The following FHIT variants were observed in gnomAD, a reference collection of about 807,000 sequenced individuals.
FHIT encodes the protein fragile histidine triad diadenosine triphosphatase.
In FHIT, 19 loss-of-function variants were observed where a neutral mutation model predicts 17.9. That is an observed-to-expected ratio of 1.06 (90% CI 0.74 to 1.56). The LOEUF (loss-of-function observed/expected upper bound fraction) is 1.56. FHIT is among the 40% of genes most tolerant of loss of function. FHIT has a pLI of 0.00. For missense variants in FHIT, 248 were observed against 189.2 expected (o/e 1.31, Z -1.82); for synonymous variants, 81 against 69.7 (o/e 1.16, Z -0.81).
chr3:60,970,625 G>C (rs1044835590), intron 3 of FHIT, among the ~76,000 whole-genome samples: 3 of 151,598 alleles, frequency 2.0e-5, no homozygotes, highest in African/African-American at 7.3e-5. Context: ...TCTTTAAGTG[G>C]TTACCCTGGA....
At chr3:60,404,971 A>G (rs1349385772) in intron 5 of FHIT, among the ~76,000 whole-genome samples, 3 of 152,122 alleles carry the variant, frequency 2.0e-5, no homozygotes, top group African/African-American at 7.2e-5. Flanking sequence ...ATCCTATAAT[A>G]TATTTTTGTT....
rs572415093 is a variant in FHIT, at chr3:60,603,703, T to G, written c.-17-66724A>C. On this transcript the variant is annotated intron_variant, in intron 4 of 9. Transcript: ENST00000492590. Reference sequence around the variant, plus strand: ...TCTTTCAATGAGCAACATCATAAAGTGCCTCTCTGGGTAAGGCATCATTGT... The same window carrying G: ...TCTTTCAATGAGCAACATCATAAAGGGCCTCTCTGGGTAAGGCATCATTGT... 2.0e-5 allele frequency among the ~76,000 whole-genome samples: 3 copies of G among 152,274 alleles called. No individual in the cohort carries two copies. In the Middle Eastern group the frequency reaches 0.01, roughly 518 times the overall value.
intron 5 of FHIT, among the ~76,000 whole-genome samples, chr3:60,285,397 A>T (rs1014600371): frequency 1.3e-5 from 2 of 152,136 alleles, no homozygotes; most frequent in Non-Finnish European, 2.9e-5. Flanking sequence ...ATAAAAGTAC[A>T]TTTTTAAGTT....
At chr3:59,797,581 G>A (rs1323041534) in intron 8 of FHIT, among the ~76,000 whole-genome samples, 1 of 152,178 alleles carries the variant, frequency 6.6e-6, no homozygotes, top group East Asian at 1.9e-4. Flanking sequence ...ATGTAAGGAG[G>A]ATGTAGTTCT....
At chr3:59,958,357 T>C (rs1029510783) in intron 7 of FHIT, among the ~76,000 whole-genome samples, 1 of 152,152 alleles carries the variant, frequency 6.6e-6, no homozygotes, top group Non-Finnish European at 1.5e-5. Context: ...ATAAAAGGAC[T>C]GTATAAAAAA....
Position 61,137,456 on chromosome 3 carries a change from A to G in FHIT, c.-164+63161T>C, listed in dbSNP as rs965550885. ...TTTTTGGCCACGTCTCTAAGTTTCT[A>G]TAGCAACTTATGCGCTTACCTCTTT... is the stretch of plus-strand genomic sequence containing the variant. On this transcript the variant is annotated intron_variant, in intron 2 of 9. Transcript: ENST00000492590. Among the ~76,000 whole-genome samples the G allele has an allele frequency of 2.6e-5, 4 of 152,112 alleles. No individual in the cohort carries two copies. The South Asian group carries it at 6.2e-4, about 24-fold the overall frequency.
At chr3:60,176,603 T>C (rs1332863884) in intron 5 of FHIT, among the ~76,000 whole-genome samples, 1 of 151,602 alleles carries the variant, frequency 6.6e-6, no homozygotes, top group Non-Finnish European at 1.5e-5. Context: ...GTAGGTGGGG[T>C]AGAGATGGAA....
chr3:60,585,494 T>C (rs1337039243), intron 4 of FHIT, among the ~76,000 whole-genome samples: 1 of 152,050 alleles, frequency 6.6e-6, no homozygotes, highest in African/African-American at 2.4e-5. Flanking sequence ...ATCCAAAGCT[T>C]GTTACACATT....
At chr3:59,776,275 C>T (rs1016608993) in intron 8 of FHIT, among the ~76,000 whole-genome samples, 7 of 152,210 alleles carry the variant, frequency 4.6e-5, no homozygotes, top group Non-Finnish European at 8.8e-5. Flanking sequence ...TGGGCTGTGG[C>T]TTGCACGTAT....
At chr3:59,756,817 C>T (rs1372124931) in intron 8 of FHIT, among the ~76,000 whole-genome samples, 1 of 152,124 alleles carries the variant, frequency 6.6e-6, no homozygotes, top group Non-Finnish European at 1.5e-5. Flanking sequence ...GGTCTTATTG[C>T]ACGGAATGCA....
intron 3 of FHIT, among the ~76,000 whole-genome samples, chr3:60,990,940 A>G (rs2030151761): frequency 6.6e-6 from 1 of 152,228 alleles, no homozygotes. Flanking sequence ...AGTACCTACT[A>G]AGCGCCAGGT....
intron 5 of FHIT, among the ~76,000 whole-genome samples, chr3:60,031,256 T>C (rs1272329571): frequency 6.6e-6 from 1 of 152,238 alleles, no homozygotes; most frequent in Non-Finnish European, 1.5e-5. Context: ...TCATGGAGTT[T>C]TCTGTCAACC....
intron 5 of FHIT, among the ~76,000 whole-genome samples, chr3:60,138,918 T>C (rs1299739298): frequency 6.6e-6 from 1 of 152,090 alleles, no homozygotes; most frequent in Non-Finnish European, 1.5e-5. Context: ...TTTGACTTTA[T>C]AGGAAAGCCA....
chr3:60,217,097 A>T (rs979767464), intron 5 of FHIT, among the ~76,000 whole-genome samples: 2 of 152,232 alleles, frequency 1.3e-5, no homozygotes, highest in Non-Finnish European at 2.9e-5. Flanking sequence ...TTTTCTTTTA[A>T]AAGTCCAATT....
At chr3:59,793,412 C>T (rs1198541938) in intron 8 of FHIT, among the ~76,000 whole-genome samples, 12 of 152,034 alleles carry the variant, frequency 7.9e-5, no homozygotes, top group Admixed American at 7.9e-4. Flanking sequence ...ACACTGTGTT[C>T]GTGATGAAGG....
At chr3:61,152,960 G>A (rs930173647) in intron 2 of FHIT, among the ~76,000 whole-genome samples, 5 of 152,044 alleles carry the variant, frequency 3.3e-5, no homozygotes, top group Non-Finnish European at 5.9e-5. Flanking sequence ...TGGCTAACAC[G>A]GTGAAATCCC....
chr3:60,363,895 G>A (rs534529354), intron 5 of FHIT, among the ~76,000 whole-genome samples: 4 of 152,186 alleles, frequency 2.6e-5, no homozygotes, highest in South Asian at 4.2e-4. Context: ...CTCAAAGGAC[G>A]GTCACCATCC....
At chr3:60,105,389 C>T (rs762297454) in intron 5 of FHIT, among the ~76,000 whole-genome samples, 6 of 152,268 alleles carry the variant, frequency 3.9e-5, no homozygotes, top group Non-Finnish European at 8.8e-5. Flanking sequence ...GTGCTCTATG[C>T]CAACAAAGAA....
chr3:61,094,713 C>T (rs2035586650), intron 2 of FHIT, among the ~76,000 whole-genome samples: 2 of 152,146 alleles, frequency 1.3e-5, no homozygotes, highest in South Asian at 4.1e-4. Context: ...TTAAGTAAAA[C>T]AAGGGTTCCT....
Sources: gnomAD v4.1 joint callset for allele counts (sites outside exome capture counted in the v4.1 genomes callset) on GRCh38, gnomAD v4.1.1 for gene constraint, MANE v1.5 for transcripts, NCBI Gene and HGNC (gene_info 2026-07-23, HGNC 2026-07-21) for gene names.